ATP9B: variants seen among roughly 807,000 people sequenced by gnomAD.
ATP9B encodes probable phospholipid-transporting ATPase IIB.
Under a neutral mutation model 146.1 loss-of-function variants are expected in ATP9B, and 110 were observed. That is an observed-to-expected ratio of 0.75 (90% CI 0.65 to 0.88). The LOEUF (loss-of-function observed/expected upper bound fraction) is 0.88, where lower values mean the gene tolerates loss of function less well. ATP9B is among the 40% of genes least tolerant of loss of function. The pLI is 0.00. For missense variants in ATP9B, 1,499 were observed against 1,496.4 expected (o/e 1.00, Z -0.03); for synonymous variants, 604 against 569.7 (o/e 1.06, Z -0.86).
At chr18:79,226,872 G>A (rs1304921889) in intron 11 of ATP9B, among the ~76,000 whole-genome samples, 1 of 152,190 alleles carries the variant, frequency 6.6e-6, no homozygotes, top group Non-Finnish European at 1.5e-5. Flanking sequence ...CCCGCTGTGT[G>A]TTGGGCCCTA....
At chr18:79,244,132 C>G (rs2095916376) in intron 11 of ATP9B, among the ~76,000 whole-genome samples, 1 of 151,658 alleles carries the variant, frequency 6.6e-6, no homozygotes, top group Admixed American at 6.6e-5. Context: ...TCCCCACTAC[C>G]CCCCCTCCGC....
At chr18:79,133,420 C>T (rs1238061658) in intron 5 of ATP9B, among the ~76,000 whole-genome samples, 2 of 152,008 alleles carry the variant, frequency 1.3e-5, no homozygotes, top group Admixed American at 6.5e-5. Context: ...ATTTCATGAA[C>T]ACCTTCCATT....
intron 6 of ATP9B, among the ~76,000 whole-genome samples, chr18:79,153,863 G>A (rs970649203): frequency 1.3e-5 from 2 of 151,692 alleles, no homozygotes; most frequent in Non-Finnish European, 2.9e-5. Context: ...GCCTCGTCTG[G>A]TCTCAAACTC....
intron 11 of ATP9B, among the ~76,000 whole-genome samples, chr18:79,252,910 C>T (rs2096042776): frequency 6.6e-6 from 1 of 151,504 alleles, no homozygotes. Context: ...GTAGAATCCT[C>T]ATGGGGGAGG....
At chr18:79,093,060 C>T (rs375216852) in intron 1 of ATP9B, among the ~76,000 whole-genome samples, 11 of 152,098 alleles carry the variant, frequency 7.2e-5, no homozygotes, top group East Asian at 5.8e-4. Context: ...GTGAGTAATG[C>T]ATTATACTGT....
chr18:79,242,587 G>A (rs1266521426), intron 11 of ATP9B, among the ~76,000 whole-genome samples: 1 of 152,176 alleles, frequency 6.6e-6, no homozygotes, highest in African/African-American at 2.4e-5. Flanking sequence ...CTTTATTGTA[G>A]AGTGTCAACT....
At chr18:79,146,620 G>T in intron 6 of ATP9B, 1 of 268,254 alleles carries the variant, frequency 3.7e-6, no homozygotes, top group Non-Finnish European at 7.4e-6. Context: ...GGGAGCTGGC[G>T]GTGTGCAGAG....
chr18:79,146,720 T>G, intron 6 of ATP9B: 1 of 185,404 alleles, frequency 5.4e-6, no homozygotes, highest in Non-Finnish European at 1.1e-5. Flanking sequence ...GCAGGACACC[T>G]GTGTCTGTGT....
chr18:79,349,901 C>A (rs1445562826), intron 25 of ATP9B, among the ~76,000 whole-genome samples: 1 of 151,334 alleles, frequency 6.6e-6, no homozygotes, highest in Non-Finnish European at 1.5e-5. Flanking sequence ...CGCACCCCCC[C>A]CCCCACCATG....
chr18:79,184,576 A>G (rs1041749192), intron 8 of ATP9B, among the ~76,000 whole-genome samples: 1 of 151,946 alleles, frequency 6.6e-6, no homozygotes, highest in Non-Finnish European at 1.5e-5. Flanking sequence ...TTCTCATACT[A>G]TTTATTAAGG....
chr18:79,314,941 A>G (rs1447708415), intron 15 of ATP9B, among the ~76,000 whole-genome samples: 2 of 152,222 alleles, frequency 1.3e-5, no homozygotes, highest in Non-Finnish European at 2.9e-5. Flanking sequence ...CGTGGGGTGG[A>G]AGGAACTTTG....
At chr18:79,219,548 A>C (rs552934072) in intron 11 of ATP9B, among the ~76,000 whole-genome samples, 1 of 92,832 alleles carries the variant, frequency 1.1e-5, no homozygotes, top group African/African-American at 5.1e-5. Context: ...ATTACTGAAA[A>C]GAAAATCATA....
chr18:79,353,619 T>C (rs1223345632), intron 25 of ATP9B: 1 of 151,986 alleles, frequency 6.6e-6, no homozygotes, highest in Non-Finnish European at 1.5e-5. Flanking sequence ...GGAACAGCCA[T>C]TTATGTGAGA....
intron 5 of ATP9B, among the ~76,000 whole-genome samples, chr18:79,130,031 T>A (rs1464097513): frequency 6.6e-6 from 1 of 152,050 alleles, no homozygotes; most frequent in African/African-American, 2.4e-5. Context: ...TGTGAGCCAC[T>A]GCACCCGGCG....
Position 79,206,771 on chromosome 18 carries a change from T to C in ATP9B, c.955-166T>C, listed in dbSNP as rs182261814. On this transcript the variant is annotated intron_variant, in intron 9 of 29. Coordinates refer to ENST00000426216, the MANE Select transcript of ATP9B (RefSeq NM_198531.5). ...ACAGGAGTTCTTTGAACTTGTACTT[T>C]CAATTTTTTATAGTCCCTTTTTTCT... 1.8e-3 allele frequency among the ~76,000 whole-genome samples: 274 copies of C among 152,364 alleles called. 4 individuals are homozygous for C. The highest frequency in any genetic ancestry group is 2.5e-3 in the Non-Finnish European group (169 of 68,032).
At chr18:79,320,298 G>A (rs2096708053) in intron 15 of ATP9B, among the ~76,000 whole-genome samples, 1 of 152,202 alleles carries the variant, frequency 6.6e-6, no homozygotes, top group Non-Finnish European at 1.5e-5. Flanking sequence ...CGCAGCGGAG[G>A]CGCAGTGCGA....
intron 4 of ATP9B, chr18:79,115,229 C>T (rs906907923): frequency 1.5e-5 from 2 of 136,382 alleles, no homozygotes; most frequent in Admixed American, 7.4e-5. Context: ...TGAAGGACCT[C>T]TTCAAGGAGA....
chr18:79,361,262 G>T (rs1425457135), intron 26 of ATP9B: 1 of 152,130 alleles, frequency 6.6e-6, no homozygotes, highest in Non-Finnish European at 1.5e-5. Context: ...TAGATTGTAC[G>T]CACCAGTCTC....
At chr18:79,187,897 C>T (rs926788183) in intron 8 of ATP9B, among the ~76,000 whole-genome samples, 2 of 151,958 alleles carry the variant, frequency 1.3e-5, no homozygotes, top group African/African-American at 4.8e-5. Context: ...TGAAATATGC[C>T]ATATCAATTT....
Sources: allele counts gnomAD v4.1 joint callset (sites outside exome capture counted in the v4.1 genomes callset), GRCh38; gene constraint gnomAD v4.1.1; transcripts MANE v1.5; gene names NCBI Gene and HGNC (gene_info 2026-07-23, HGNC 2026-07-21).